The following SPOCK3 variants were observed in gnomAD, a reference collection of about 807,000 sequenced individuals.
SPOCK3 encodes the protein testican-3.
A neutral mutation model predicts 56.6 loss-of-function variants in SPOCK3; 30 were observed. The observed-to-expected ratio is 0.53, with a 90% CI of 0.40 to 0.72. The LOEUF (loss-of-function observed/expected upper bound fraction) is 0.72. SPOCK3 is among the 30% of genes least tolerant of loss of function. SPOCK3 has a pLI of 0.00. For missense variants in SPOCK3, 527 were observed against 530.0 expected, an observed-to-expected ratio of 0.99 and a Z score of 0.06; for synonymous variants, 196 against 183.3, an observed-to-expected ratio of 1.07 and a Z score of -0.56.
At chr4:166,768,491 C>T (rs976038352) in intron 7 of SPOCK3, among the ~76,000 whole-genome samples, 1 of 152,134 alleles carries the variant, frequency 6.6e-6, no homozygotes, top group Admixed American at 6.5e-5. Flanking sequence ...AAATTCTTTC[C>T]TTTAAGAATG....
At chr4:167,139,463 TG>T (rs1763360333) in intron 2 of SPOCK3, among the ~76,000 whole-genome samples, 1 of 152,030 alleles carries the variant, frequency 6.6e-6, no homozygotes, top group African/African-American at 2.4e-5. Context: ...TTAAAATTAT[TG>T]CCAATCTGAA....
At chr4:166,856,784 CTATCTATCTATCTATCTATCTATCTAGA>C (rs1346248850) in intron 6 of SPOCK3, among the ~76,000 whole-genome samples, 7 of 128,402 alleles carry the variant, frequency 5.5e-5, no homozygotes, top group Non-Finnish European at 1.3e-4. Context: ...AAAAAATTAT[CTATCTATCTATCTATCTATCTATCTAGA>C]TATCTAGATA....
chr4:167,009,128 A>G (rs1380841297), intron 3 of SPOCK3, among the ~76,000 whole-genome samples: 2 of 152,162 alleles, frequency 1.3e-5, no homozygotes, highest in African/African-American at 4.8e-5. Context: ...TGTCTGTCCC[A>G]TATCCAGAAA....
chr4:167,118,268 G>T (rs1330325635), intron 2 of SPOCK3, among the ~76,000 whole-genome samples: 2 of 152,088 alleles, frequency 1.3e-5, no homozygotes, highest in African/African-American at 4.8e-5. Flanking sequence ...AGAACATAAT[G>T]AGAATCACAC....
chr4:167,155,522 CAT>C (rs1471908648), intron 2 of SPOCK3, among the ~76,000 whole-genome samples: 1 of 152,150 alleles, frequency 6.6e-6, no homozygotes, highest in South Asian at 2.1e-4. Context: ...GAAAACAACA[CAT>C]GAGATACAGT....
At chr4:166,950,575 C>T (rs1183545482) in intron 4 of SPOCK3, among the ~76,000 whole-genome samples, 4 of 151,640 alleles carry the variant, frequency 2.6e-5, no homozygotes, top group Non-Finnish European at 5.9e-5. Context: ...CAGCTCTGCA[C>T]CAAGAGGACC....
intron 2 of SPOCK3, among the ~76,000 whole-genome samples, chr4:167,065,261 G>A (rs1193151963): frequency 6.6e-6 from 1 of 151,732 alleles, no homozygotes; most frequent in African/African-American, 2.4e-5. Flanking sequence ...GGTGGAAACC[G>A]TGTAGAACTG....
intron 7 of SPOCK3, among the ~76,000 whole-genome samples, chr4:166,788,274 CA>C (rs2126641463): frequency 6.6e-6 from 1 of 152,116 alleles, no homozygotes; most frequent in South Asian, 2.1e-4. Flanking sequence ...TTTATTTCAA[CA>C]GTAATTATGT....
At chr4:167,165,653 G>A (rs1765694976) in intron 2 of SPOCK3, among the ~76,000 whole-genome samples, 1 of 151,994 alleles carries the variant, frequency 6.6e-6, no homozygotes, top group Admixed American at 6.6e-5. Context: ...AAGCATACAT[G>A]TACTGAAAAA....
intron 9 of SPOCK3, among the ~76,000 whole-genome samples, chr4:166,739,867 T>TA (rs1023980459): frequency 6.6e-6 from 1 of 152,154 alleles, no homozygotes; most frequent in Admixed American, 6.6e-5. Flanking sequence ...TAACTTAGTT[T>TA]AAAAAACTAT....
intron 2 of SPOCK3, among the ~76,000 whole-genome samples, chr4:167,127,981 A>T (rs571974349): frequency 6.6e-6 from 1 of 152,338 alleles, no homozygotes; most frequent in South Asian, 2.1e-4. Flanking sequence ...TGCTCTGGAC[A>T]CTGGGCCTCT....
At chr4:166,914,745 G>T (rs1274906733) in intron 4 of SPOCK3, among the ~76,000 whole-genome samples, 2 of 152,120 alleles carry the variant, frequency 1.3e-5, no homozygotes, top group Non-Finnish European at 2.9e-5. Context: ...ACTCCAGTCT[G>T]AGCGAAACTC....
At chr4:166,931,874 TC>T (rs538917274) in intron 4 of SPOCK3, among the ~76,000 whole-genome samples, 139 of 152,330 alleles carry the variant, frequency 9.1e-4, no homozygotes, top group African/African-American at 3.1e-3. Context: ...GGATGTGCCC[TC>T]TCCATTACTA....
Position 166,974,477 on chromosome 4 carries a change from C to A in SPOCK3, c.350+25872G>T, listed in dbSNP as rs1035222626. ...ATTTTGCTAATCATTATAATGTTTA[C>A]AAATTAATCCTCATAACAAATGTTT... On this transcript the variant is annotated intron_variant, in intron 4 of 10. Coordinates refer to ENST00000357545, the MANE Select transcript of SPOCK3 (RefSeq NM_001040159.2). Among the ~76,000 whole-genome samples the A allele has an allele frequency of 2.0e-5, 3 of 152,024 alleles. No homozygotes were observed. In the East Asian group the frequency reaches 5.8e-4, roughly 29 times the overall value.
At chr4:167,123,362 C>A (rs1419743694) in intron 2 of SPOCK3, among the ~76,000 whole-genome samples, 1 of 152,194 alleles carries the variant, frequency 6.6e-6, no homozygotes, top group African/African-American at 2.4e-5. Context: ...TTCTCTTTCA[C>A]AGCTCTTCTC....
intron 2 of SPOCK3, among the ~76,000 whole-genome samples, chr4:167,215,998 G>GT (rs1735313857): frequency 6.6e-6 from 1 of 152,124 alleles, no homozygotes; most frequent in African/African-American, 2.4e-5. Context: ...ACCTGTACAT[G>GT]TTGTAGAGCA....
chr4:166,852,148 G>A (rs928283439), intron 6 of SPOCK3, among the ~76,000 whole-genome samples: 18 of 151,870 alleles, frequency 1.2e-4, no homozygotes, highest in African/African-American at 4.4e-4. Context: ...GAACTGTTGT[G>A]GGTTGTGGGG....
intron 5 of SPOCK3, among the ~76,000 whole-genome samples, chr4:166,898,122 C>A (rs901299981): frequency 6.6e-6 from 1 of 152,040 alleles, no homozygotes; most frequent in Non-Finnish European, 1.5e-5. Context: ...ATCACTGAGC[C>A]CCGGAATTCC....
intron 4 of SPOCK3, among the ~76,000 whole-genome samples, chr4:166,918,011 TTCACGTCCCAAA>T (rs1738066681): frequency 6.6e-6 from 1 of 152,146 alleles, no homozygotes; most frequent in Non-Finnish European, 1.5e-5. Flanking sequence ...CACCTACTAT[TTCACGTCCCAAA>T]TCATTTGCTT....
Sources: allele counts gnomAD v4.1 joint callset (sites outside exome capture counted in the v4.1 genomes callset), GRCh38; gene constraint gnomAD v4.1.1; transcripts MANE v1.5; gene names NCBI Gene and HGNC (gene_info 2026-07-23, HGNC 2026-07-21).